CCDC30: variants seen among roughly 807,000 people sequenced by gnomAD.
The protein encoded by CCDC30 is coiled-coil domain-containing protein 30.
CCDC30 carries 70 observed loss-of-function variants against 100.2 expected under a neutral mutation model. The observed-to-expected ratio is 0.70, with a 90% CI of 0.58 to 0.85. CCDC30 has a LOEUF of 0.85. Among genes scored for constraint, CCDC30 ranks in the 40% least tolerant of loss-of-function variants. The probability of loss-of-function intolerance (pLI) is 0.00; values close to 1 mark genes in which losing one functional copy is unlikely to be tolerated. For missense variants in CCDC30, 652 were observed against 771.2 expected (o/e 0.85, Z 1.83); for synonymous variants, 233 against 269.5 (o/e 0.86, Z 1.33).
At chr1:42,565,959 T>C (rs1301740090) in intron 6 of CCDC30, among the ~76,000 whole-genome samples, 1 of 152,044 alleles carries the variant, frequency 6.6e-6, no homozygotes, top group Non-Finnish European at 1.5e-5. Flanking sequence ...CTTCTTAACA[T>C]ATGGACTCTT....
At chr1:42,467,858 G>C (rs1643639503) in intron 1 of CCDC30, 1 of 152,232 alleles carries the variant, frequency 6.6e-6, no homozygotes, top group Non-Finnish European at 1.5e-5. Context: ...TGAACTAAGA[G>C]ATACAAAGAT....
At chr1:42,605,076 T>G (rs1646476757) in intron 10 of CCDC30, among the ~76,000 whole-genome samples, 1 of 152,210 alleles carries the variant, frequency 6.6e-6, no homozygotes, top group African/African-American at 2.4e-5. Context: ...TGATTGTATC[T>G]CTGGCCCAAT....
At chr1:42,627,424 A>T (rs1646953567) in intron 11 of CCDC30, among the ~76,000 whole-genome samples, 1 of 152,202 alleles carries the variant, frequency 6.6e-6, no homozygotes, top group Non-Finnish European at 1.5e-5. Context: ...AGAAAACCCC[A>T]TTTTTGAGGA....
intron 6 of CCDC30, among the ~76,000 whole-genome samples, chr1:42,544,184 C>T (rs984170349): frequency 1.3e-5 from 2 of 152,190 alleles, no homozygotes; most frequent in East Asian, 1.9e-4. Context: ...TGAGCCACTG[C>T]GCCTAGCCCA....
At chr1:42,554,878 C>A (rs1012434456) in intron 6 of CCDC30, among the ~76,000 whole-genome samples, 6 of 151,932 alleles carry the variant, frequency 3.9e-5, no homozygotes, top group Non-Finnish European at 7.4e-5. Context: ...CTCCCTGGTT[C>A]GTCTTATCCA....
intron 11 of CCDC30, among the ~76,000 whole-genome samples, chr1:42,628,482 C>T (rs1388789815): frequency 2.0e-5 from 3 of 152,076 alleles, no homozygotes; most frequent in African/African-American, 4.8e-5. Context: ...GGGGCCGGGG[C>T]AGAATGATAT....
In CCDC30 at chr1:42,490,448, AATAAT is replaced by A. The variant is rs544640754; in HGVS notation, c.241+228_241+232del. ...ATTATTTAATAATAATACATTAAGA[AATAAT>A]ATAATATACATTAATAATATGCTTT... On this transcript the variant is annotated intron_variant, in intron 4 of 16. Transcript: ENST00000668663. Among the ~76,000 whole-genome samples the A allele has an allele frequency of 2.3e-3, 347 of 150,722 alleles. 2 individuals are homozygous for A. The highest frequency in any genetic ancestry group is 8.0e-3 in the African/African-American group (328 of 41,242).
chr1:42,482,536 C>T (rs939525533), intron 2 of CCDC30, 127 bp from the exon 3 acceptor site: 30 of 500,114 alleles, frequency 6.0e-5, no homozygotes, highest in Admixed American at 1.3e-4. Flanking sequence ...CACACTCACA[C>T]ACACAAAGAA....
In CCDC30 at chr1:42,492,454, G is replaced by A. The variant is rs144745334; in HGVS notation, c.241+2225G>A. 7.3e-4 allele frequency: 122 copies of A among 168,126 alleles called. No individual in the cohort carries two copies. In the East Asian group the frequency reaches 0.015, roughly 21 times the overall value. The allele number at this position is 168,126 out of a possible 1,614,324, so 10.4% of individuals were successfully genotyped here. On this transcript the variant is annotated intron_variant, in intron 4 of 16. Transcript: ENST00000668663. ...TGGGGATGAGACAGGTGCTAAAGTCGAATTAGCTGATGGATATGAAGCACT... is the reference window on the plus strand; with the variant it reads ...TGGGGATGAGACAGGTGCTAAAGTCAAATTAGCTGATGGATATGAAGCACT...
chr1:42,471,267 T>G (rs1481477920), intron 1 of CCDC30, among the ~76,000 whole-genome samples: 1 of 152,100 alleles, frequency 6.6e-6, no homozygotes, highest in East Asian at 1.9e-4. Context: ...CCTTTTCCTT[T>G]TAACATCCTC....
intron 3 of CCDC30, among the ~76,000 whole-genome samples, chr1:42,488,138 A>G (rs1016117241): frequency 2.6e-5 from 4 of 152,156 alleles, no homozygotes; most frequent in African/African-American, 7.2e-5. Flanking sequence ...GAAATCTTCC[A>G]TAAGTAAAAA....
intron 6 of CCDC30, among the ~76,000 whole-genome samples, chr1:42,531,324 G>A (rs781300951): frequency 9.9e-5 from 15 of 152,086 alleles, no homozygotes; most frequent in Admixed American, 7.9e-4. Context: ...GAGTCAATTA[G>A]ACCTCTTTTC....
chr1:42,512,514 C>G (rs540150516), intron 6 of CCDC30, among the ~76,000 whole-genome samples: 1 of 152,252 alleles, frequency 6.6e-6, no homozygotes, highest in East Asian at 1.9e-4. Context: ...TCCTTTGTTA[C>G]TATAGAATTT....
At chr1:42,616,636 T>G (rs1177383067) in intron 11 of CCDC30, among the ~76,000 whole-genome samples, 1 of 152,232 alleles carries the variant, frequency 6.6e-6, no homozygotes, top group East Asian at 1.9e-4. Context: ...AAGTTGTTCC[T>G]AAATTTTAGA....
At chr1:42,509,618 G>T (rs1229897742) in intron 6 of CCDC30, among the ~76,000 whole-genome samples, 2 of 152,156 alleles carry the variant, frequency 1.3e-5, no homozygotes. Flanking sequence ...AGCAAAGTTT[G>T]TTACTGAACA....
intron 11 of CCDC30, among the ~76,000 whole-genome samples, chr1:42,629,573 G>C (rs1414958534): frequency 6.6e-6 from 1 of 151,738 alleles, no homozygotes; most frequent in African/African-American, 2.4e-5. Flanking sequence ...TCTAGGTTTG[G>C]GAAGTTATCT....
intron 14 of CCDC30, among the ~76,000 whole-genome samples, chr1:42,645,062 C>A (rs1392410705): frequency 6.6e-6 from 1 of 152,180 alleles, no homozygotes; most frequent in African/African-American, 2.4e-5. Flanking sequence ...TAGCTTCTTC[C>A]TTAATACACT....
At position 42,573,756 on chromosome 1, in the gene CCDC30, A is replaced by G. The variant is rs1171596815; in HGVS notation, c.637-3264A>G. Among the ~76,000 whole-genome samples the G allele has an allele frequency of 2.0e-5, 3 of 152,100 alleles. No individual in the cohort carries two copies. In the East Asian group the frequency reaches 5.8e-4, roughly 29 times the overall value. ...CCAAATGTACTTTAGAAAGAAAGAA[A>G]AATAAATAAAAATATTTATTACATT... On this transcript the variant is annotated intron_variant, in intron 7 of 16. Coordinates refer to ENST00000668663, the Ensembl canonical transcript of CCDC30.
At chr1:42,571,268 A>G (rs1645726928) in intron 7 of CCDC30, 1 of 152,242 alleles carries the variant, frequency 6.6e-6, no homozygotes, top group South Asian at 2.1e-4. Flanking sequence ...TTTACCAAAT[A>G]TTCCAGAACA....
Sources: allele counts gnomAD v4.1 joint callset (sites outside exome capture counted in the v4.1 genomes callset), GRCh38; gene constraint gnomAD v4.1.1; transcripts MANE v1.5; gene names NCBI Gene and HGNC (gene_info 2026-07-23, HGNC 2026-07-21).